Variants in SPINK2 observed in about 807,000 individuals in gnomAD.
The protein encoded by SPINK2 is serine peptidase inhibitor Kazal type 2.
In SPINK2, 8 loss-of-function variants were observed where a neutral mutation model predicts 13.5. That is an observed-to-expected ratio of 0.59 (90% confidence interval 0.35 to 1.07). The LOEUF (loss-of-function observed/expected upper bound fraction) is 1.07, where lower values mean the gene tolerates loss of function less well. Among genes scored for constraint, SPINK2 ranks in the 50% least tolerant of loss-of-function variants. The pLI is 0.02. For missense variants in SPINK2, 148 were observed against 180.3 expected, an observed-to-expected ratio of 0.82 and a Z score of 1.03; for synonymous variants, 76 against 74.7, an observed-to-expected ratio of 1.02 and a Z score of -0.09.
intron 2 of SPINK2, among the ~76,000 whole-genome samples, chr4:56,814,561 G>T (rs1039395079): frequency 1.1e-4 from 16 of 151,844 alleles, no homozygotes; most frequent in Non-Finnish European, 2.2e-4. Context: ...AATGTCTACC[G>T]CAAGGAAATA....
intron 2 of SPINK2, among the ~76,000 whole-genome samples, chr4:56,819,193 T>C (rs1209896851): frequency 6.6e-6 from 1 of 152,200 alleles, no homozygotes; most frequent in Non-Finnish European, 1.5e-5. Flanking sequence ...ATGGTGATGA[T>C]GATGCAGTAT....
intron 3 of SPINK2, 63 bp from the exon 4 acceptor site, chr4:56,810,247 TTG>T: frequency 6.9e-7 from 1 of 1,440,116 alleles, no homozygotes; most frequent in Middle Eastern, 1.8e-4. Context: ...GTCTCATTAT[TTG>T]TGTTAAAAAG....
At chr4:56,812,704 G>A (rs1171371705) in intron 2 of SPINK2, among the ~76,000 whole-genome samples, 4 of 151,340 alleles carry the variant, frequency 2.6e-5, no homozygotes, top group Non-Finnish European at 5.9e-5. Context: ...AAATCTCCAT[G>A]TGGATGTTTA....
At chr4:56,812,192 CA>C (rs1049273811) in intron 2 of SPINK2, among the ~76,000 whole-genome samples, 34 of 148,224 alleles carry the variant, frequency 2.3e-4, no homozygotes, top group Non-Finnish European at 4.2e-4. Context: ...CTGCGCCTGG[CA>C]AAAAAAAATT....
intron 2 of SPINK2, among the ~76,000 whole-genome samples, chr4:56,812,615 CT>C (rs1268448207): frequency 1.4e-5 from 2 of 139,750 alleles, no homozygotes; most frequent in Non-Finnish European, 1.5e-5. Context: ...TTCAATCTGG[CT>C]GATTTTTAAA....
intron 3 of SPINK2, 47 bp downstream of exon 3, chr4:56,811,638 A>AG (rs750561833): frequency 2.3e-6 from 3 of 1,290,840 alleles, no homozygotes; most frequent in Non-Finnish European, 3.3e-6. Flanking sequence ...AGAAAAAAAA[A>AG]GAAATGAAGA....
At chr4:56,812,482 G>A (rs1717072772) in intron 2 of SPINK2, among the ~76,000 whole-genome samples, 1 of 148,004 alleles carries the variant, frequency 6.8e-6, no homozygotes, top group South Asian at 2.2e-4. Context: ...ATGAACCTGG[G>A]AGGCAGAGGA....
intron 2 of SPINK2, among the ~76,000 whole-genome samples, chr4:56,817,411 GCTAT>G (rs1386732819): frequency 6.6e-6 from 1 of 152,066 alleles, no homozygotes; most frequent in Non-Finnish European, 1.5e-5. Context: ...CAAAATCTTA[GCTAT>G]CTTTTTTTGC....
intron 1 of SPINK2, 23 bp from the exon 2 acceptor site, chr4:56,820,602 T>G: frequency 6.3e-7 from 1 of 1,587,480 alleles, no homozygotes. Flanking sequence ...AGCATAGACA[T>G]TTTACAGTAT....
intron 2 of SPINK2, among the ~76,000 whole-genome samples, chr4:56,816,914 A>G (rs1198308294): frequency 1.3e-5 from 2 of 151,798 alleles, no homozygotes; most frequent in African/African-American, 4.8e-5. Context: ...AAAATAAAAC[A>G]TCTAGAAAGA....
chr4:56,820,499 G>A (rs771164772), intron 2 of SPINK2, 37 bp downstream of exon 2: 5 of 1,566,782 alleles, frequency 3.2e-6, no homozygotes, highest in Non-Finnish European at 4.4e-6. Context: ...GGGCTTCACT[G>A]TATTAGTAGA....
In SPINK2 at chr4:56,821,404, G is replaced by A. The variant is rs1578441415; in HGVS notation, c.205+54C>T. ...GCGAAGCCCAAGCAAGAACTAAAGA[G>A]GGTGGCTGACTCCACAAAGCCACCC... On this transcript the variant is annotated intron_variant, in intron 1 of 3. Transcript: ENST00000506738. 11 of 1,460,440 alleles carry A rather than the reference G, an allele frequency of 7.5e-6. No homozygotes were observed. The South Asian group carries it at 8.3e-5, about 11-fold the overall frequency. 90.5% of individuals were successfully genotyped at this position (1,460,440 alleles called of 1,614,324 possible).
intron 2 of SPINK2, 31 bp downstream of exon 2, chr4:56,820,505 G>A (rs1454333505): frequency 1.3e-6 from 2 of 1,583,406 alleles, no homozygotes; most frequent in Non-Finnish European, 8.7e-7. Flanking sequence ...CACTGTATTA[G>A]TAGAAACAGT....
At chr4:56,821,864 C>T (rs114376502), upstream of SPINK2, 2 of 370,516 alleles carry the variant, frequency 5.4e-6, no homozygotes, top group African/African-American at 5.7e-5. Flanking sequence ...GGGGGAGAAC[C>T]GGAAAGGGCT....
Position 56,815,797 on chromosome 4 carries a change from C to CAA in SPINK2, c.250-4005_250-4004dup, listed in dbSNP as rs3221125. Among the ~76,000 whole-genome samples the CAA allele has an allele frequency of 1.4e-5, 2 of 147,612 alleles. 1 individual carries two copies. The highest frequency in any genetic ancestry group is 4.4e-4 in the South Asian group (2 of 4,524). ...ACACACACACACACACACACACACA[C>CAA]AAAACTATTATTACTAATAAACAAG... On this transcript the variant is annotated intron_variant, in intron 2 of 3. Coordinates refer to ENST00000506738, the MANE Select transcript of SPINK2 (RefSeq NM_001271718.2).
rs138402603 is a variant in SPINK2 at position 56,814,416 on chromosome 4, C to T, written c.250-2622G>A. On this transcript the variant is annotated intron_variant, in intron 2 of 3. Transcript: ENST00000506738. ...GTTTACTGGTATAATCACTCATTTACAGATGTTACGGGAGACACAAAGACA... is the reference window on the plus strand; with the variant it reads ...GTTTACTGGTATAATCACTCATTTATAGATGTTACGGGAGACACAAAGACA... Among the ~76,000 whole-genome samples, 1,013 of 152,086 alleles carry T rather than the reference C, an allele frequency of 6.7e-3. 16 individuals are homozygous for T. Among genetic ancestry groups the T allele is most frequent in the African/African-American group, 0.022 (928 of 41,502 alleles).
At chr4:56,820,443 A>T (rs1419785960) in intron 2 of SPINK2, 93 bp downstream of exon 2, 1 of 925,436 alleles carries the variant, frequency 1.1e-6, no homozygotes, top group African/African-American at 1.7e-5. Flanking sequence ...TGGTTTCAAA[A>T]GTGGCAGGTC....
intron 2 of SPINK2, 79 bp downstream of exon 2, chr4:56,820,457 C>T: frequency 8.5e-7 from 1 of 1,174,346 alleles, no homozygotes; most frequent in Non-Finnish European, 1.3e-6. Flanking sequence ...GCAGGTCAGA[C>T]CTGAAAGCCA....
chr4:56,818,603 A>AGG (rs1717653030), intron 2 of SPINK2, among the ~76,000 whole-genome samples: 1 of 152,086 alleles, frequency 6.6e-6, no homozygotes, highest in African/African-American at 2.4e-5. Flanking sequence ...CTCAGGTTGC[A>AGG]GTGAGCAGAG....
Sources: gnomAD v4.1 joint callset for allele counts (sites outside exome capture counted in the v4.1 genomes callset) on GRCh38, gnomAD v4.1.1 for gene constraint, MANE v1.5 for transcripts, NCBI Gene and HGNC (gene_info 2026-07-23, HGNC 2026-07-21) for gene names.